Variants in UBR7 observed in about 807,000 individuals in gnomAD.
UBR7 encodes putative E3 ubiquitin-protein ligase UBR7.
In UBR7, 22 loss-of-function variants were observed where a neutral mutation model predicts 57.0. The observed-to-expected ratio is 0.39, with a 90% CI of 0.28 to 0.55. The LOEUF is 0.55. Ranked by LOEUF, UBR7 falls within the 20% of genes least tolerant of loss-of-function variation. The probability of loss-of-function intolerance (pLI) is 0.69; values close to 1 mark genes in which losing one functional copy is unlikely to be tolerated. For missense variants in UBR7, 395 were observed against 513.2 expected, an observed-to-expected ratio of 0.77 and a Z score of 2.23; for synonymous variants, 167 against 179.8, an observed-to-expected ratio of 0.93 and a Z score of 0.57.
rs552162457 is a variant in UBR7 at position 93,222,693 on chromosome 14, A to G, written c.1185+319A>G. ...AGGAGGCGGAGGTTGTAGTGAGCCG[A>G]GAACACGCCACTGCACCCCAGCCTG... is the stretch of plus-strand genomic sequence containing the variant. On this transcript the variant is annotated intron_variant, in intron 10 of 10. Transcript: ENST00000013070. Among the ~76,000 whole-genome samples the G allele has an allele frequency of 5.9e-5, 9 of 152,120 alleles. No homozygotes were observed. The East Asian group carries it at 1.2e-3, about 20-fold the overall frequency.
chr14:93,222,273 G>T, intron 9 of UBR7, 40 bp from the exon 10 acceptor site: 1 of 1,431,986 alleles, frequency 7.0e-7, no homozygotes, highest in Non-Finnish European at 9.9e-7. Flanking sequence ...GAAAGCAAAT[G>T]GTTTATCTAA....
chr14:93,215,689 C>CAA (rs34666080), intron 6 of UBR7, among the ~76,000 whole-genome samples: 195 of 71,774 alleles, frequency 2.7e-3, no homozygotes, highest in African/African-American at 7.6e-3. Context: ...ACTCCATCCT[C>CAA]AAAAAAAAAA....
intron 9 of UBR7, among the ~76,000 whole-genome samples, chr14:93,221,887 G>T (rs1254698306): frequency 1.3e-5 from 2 of 152,024 alleles, no homozygotes; most frequent in Admixed American, 6.6e-5. Context: ...GGAGGCGGAG[G>T]TTGCAGTGAG....
intron 10 of UBR7, among the ~76,000 whole-genome samples, chr14:93,225,147 G>C (rs1438903124): frequency 6.6e-6 from 1 of 151,948 alleles, no homozygotes; most frequent in Non-Finnish European, 1.5e-5. Context: ...TTTGTTGTTT[G>C]TTCCATGACA....
chr14:93,215,402 C>T (rs914691937), intron 6 of UBR7, 121 bp downstream of exon 6: 4 of 926,144 alleles, frequency 4.3e-6, no homozygotes, highest in African/African-American at 1.6e-5. Context: ...AGTATATGTT[C>T]TGGCCAGGCA....
chr14:93,211,366 G>A (rs897062489), intron 3 of UBR7, among the ~76,000 whole-genome samples: 9 of 63,924 alleles, frequency 1.4e-4, no homozygotes, highest in African/African-American at 6.7e-4. Context: ...GGCCATCATG[G>A]TGAAACCCCC....
chr14:93,212,445 T>G (rs1214356799), intron 4 of UBR7, among the ~76,000 whole-genome samples: 1 of 152,186 alleles, frequency 6.6e-6, no homozygotes, highest in Non-Finnish European at 1.5e-5. Context: ...ACTTCTTTTG[T>G]CTCTTTACGG....
At chr14:93,209,051 G>A (rs1287931608) in intron 1 of UBR7, among the ~76,000 whole-genome samples, 1 of 152,190 alleles carries the variant, frequency 6.6e-6, no homozygotes, top group East Asian at 1.9e-4. Context: ...GACCTCAAGT[G>A]ATCTGCCCAC....
At chr14:93,223,328 G>T (rs973630154) in intron 10 of UBR7, among the ~76,000 whole-genome samples, 1 of 150,704 alleles carries the variant, frequency 6.6e-6, no homozygotes, top group East Asian at 2.0e-4. Context: ...CCCACAGGTG[G>T]AGGTTGCAGT....
At chr14:93,213,969 C>G (rs1371831923) in intron 4 of UBR7, among the ~76,000 whole-genome samples, 2 of 152,106 alleles carry the variant, frequency 1.3e-5, no homozygotes, top group East Asian at 3.9e-4. Flanking sequence ...CTCTGTCACC[C>G]AGGCTGGAGT....
At chr14:93,210,578 A>G in intron 2 of UBR7, 70 bp from the exon 3 acceptor site, 1 of 1,359,038 alleles carries the variant, frequency 7.4e-7, no homozygotes, top group Non-Finnish European at 1.0e-6. Context: ...ATGTGCTTGA[A>G]TGCTTGAAGA....
At chr14:93,217,050 G>A (rs563371537) in intron 6 of UBR7, among the ~76,000 whole-genome samples, 7 of 151,608 alleles carry the variant, frequency 4.6e-5, no homozygotes, top group Admixed American at 2.6e-4. Flanking sequence ...TTTTCAAGAC[G>A]GAATCTTGCT....
In UBR7 at chr14:93,227,810, C is replaced by T. The variant is rs1393022325; in HGVS notation, c.*775C>T. Reference sequence around the variant, plus strand: ...CACAGGGCTTCCTGGAGAACATTTGCCCGTATACTAGTCCCTTCTCTGCTG... The same window carrying T: ...CACAGGGCTTCCTGGAGAACATTTGTCCGTATACTAGTCCCTTCTCTGCTG... On this transcript the variant is annotated 3_prime_UTR_variant, in exon 11 of 11. Transcript: ENST00000013070. 4 of 700,788 alleles carry T rather than the reference C, an allele frequency of 5.7e-6. No homozygotes were observed. The highest frequency in any genetic ancestry group is 1.5e-5 in the South Asian group (1 of 67,496). 43.4% of individuals were successfully genotyped at this position (700,788 alleles called of 1,614,324 possible).
chr14:93,226,279 T>A (rs1218609737), intron 10 of UBR7, among the ~76,000 whole-genome samples: 1 of 152,236 alleles, frequency 6.6e-6, no homozygotes, highest in Non-Finnish European at 1.5e-5. Flanking sequence ...ACGTGCTCTA[T>A]TTTTCTTTCT....
At chr14:93,224,029 G>A (rs1204164480) in intron 10 of UBR7, 3 of 924,012 alleles carry the variant, frequency 3.2e-6, no homozygotes, top group Admixed American at 3.7e-5. Flanking sequence ...TGGCGACAAC[G>A]TGATTAGGCG....
chr14:93,218,422 AATAAT>A (rs1894634620), intron 6 of UBR7, 100 bp from the exon 7 acceptor site: 1 of 1,024,502 alleles, frequency 9.8e-7, no homozygotes, highest in South Asian at 1.5e-5. Flanking sequence ...AAAAAAAAAA[AATAAT>A]AATAATAGAA....
In UBR7 at chr14:93,227,191, T is replaced by C. The variant is rs1894874100; in HGVS notation, c.*156T>C. The C allele has an allele frequency of 1.5e-6, 1 of 649,306 alleles. No individual in the cohort carries two copies. The highest frequency in any genetic ancestry group is 2.1e-5 in the Admixed American group (1 of 47,922). 40.2% of individuals were successfully genotyped at this position (649,306 alleles called of 1,614,324 possible). The stretch of plus-strand genomic sequence containing the variant: ...TTCTCTTTAGCTGCAGTAGCCACCG[T>C]GTGGATGCTGACTTCACAGCCAGCG... On this transcript the variant is annotated 3_prime_UTR_variant, in exon 11 of 11. Coordinates refer to ENST00000013070, the MANE Select transcript of UBR7 (RefSeq NM_175748.4).
rs1894865713 is a variant in UBR7 at position 93,226,930 on chromosome 14, T to G, written c.1186-13T>G. The G allele has an allele frequency of 6.2e-7, 1 of 1,606,736 alleles. No homozygotes were observed. The highest frequency in any genetic ancestry group is 1.7e-5 in the Admixed American group (1 of 59,938). ...CTTAGTTCTCTTTCATAATCTTTGC[T>G]TTTCAAAAACAGGTTGTTAAGAGAG... On this transcript the variant is annotated splice_polypyrimidine_tract_variant and intron_variant, in intron 10 of 10. Transcript: ENST00000013070.
Position 93,228,011 on chromosome 14 carries a change from A to G in UBR7, c.*976A>G. On this transcript the variant is annotated 3_prime_UTR_variant, in exon 11 of 11. Coordinates refer to ENST00000013070, the MANE Select transcript of UBR7 (RefSeq NM_175748.4). ...ATAAATTATTATTTTTCCCCCTTGA[A>G]TCTGCTAAAGAAAACAGATCCTGAC... is the stretch of plus-strand genomic sequence containing the variant. 1 of 698,554 alleles carries G rather than the reference A, an allele frequency of 1.4e-6. No individual in the cohort carries two copies. The highest frequency in any genetic ancestry group is 2.6e-6 in the Non-Finnish European group (1 of 384,058). The allele number at this position is 698,554 out of a possible 1,614,324, so 43.3% of individuals were successfully genotyped here. A position where few individuals can be genotyped will look rare whatever the true frequency, so the allele number is the denominator to read the frequency against.
Sources: gnomAD v4.1 joint callset for allele counts (sites outside exome capture counted in the v4.1 genomes callset) on GRCh38, gnomAD v4.1.1 for gene constraint, MANE v1.5 for transcripts, NCBI Gene and HGNC (gene_info 2026-07-23, HGNC 2026-07-21) for gene names.